Variants in MICOS10 observed in about 807,000 individuals in gnomAD.
The protein encoded by MICOS10 is MICOS complex subunit MIC10.
Under a neutral mutation model 13.4 loss-of-function variants are expected in MICOS10, and 5 were observed. The observed-to-expected ratio is 0.37, with a 90% CI of 0.20 to 0.78. MICOS10 has a LOEUF of 0.78. Ranked by LOEUF, MICOS10 falls within the 30% of genes least tolerant of loss-of-function variation. MICOS10 has a pLI of 0.47. For missense variants in MICOS10, 101 were observed against 94.6 expected (o/e 1.07, Z -0.28); for synonymous variants, 35 against 33.6 (o/e 1.04, Z -0.15).
chr1:19,608,452 G>T, intron 1 of MICOS10: 1 of 1,284,746 alleles, frequency 7.8e-7, no homozygotes, highest in Non-Finnish European at 1.1e-6. Flanking sequence ...CTGGGGCCCA[G>T]TCGGCCCTCA....
intron 1 of MICOS10, among the ~76,000 whole-genome samples, chr1:19,617,824 A>G (rs1306431723): frequency 6.6e-6 from 1 of 152,168 alleles, no homozygotes; most frequent in Non-Finnish European, 1.5e-5. Context: ...TAGACACAAG[A>G]CAACTCTAGG....
Position 19,601,191 on chromosome 1 carries a change from G to T in MICOS10, c.64+4082G>T, listed in dbSNP as rs1188514670. The T allele has an allele frequency of 1.1e-5, 4 of 358,116 alleles. No individual in the cohort carries two copies. In the East Asian group the frequency reaches 3.0e-4, roughly 26 times the overall value. The allele number at this position is 358,116 out of a possible 1,614,324, so 22.2% of individuals were successfully genotyped here. ...CAAGGATCTTTTCACCCTGAGGCTTGAATAATATCTTAATAGAAAATTATC... is the reference window on the plus strand; with the variant it reads ...CAAGGATCTTTTCACCCTGAGGCTTTAATAATATCTTAATAGAAAATTATC... On this transcript the variant is annotated intron_variant, in intron 1 of 3. Transcript: ENST00000322753.
intron 1 of MICOS10, among the ~76,000 whole-genome samples, chr1:19,611,468 G>GTTT (rs765477232): frequency 2.4e-5 from 2 of 84,054 alleles, no homozygotes; most frequent in Admixed American, 1.4e-4. Flanking sequence ...GTTGCAACTT[G>GTTT]ATTTTTTTTT....
rs2094837230 is a variant in MICOS10 at position 19,606,908 on chromosome 1, G to A, written c.64+9799G>A. On this transcript the variant is annotated intron_variant, in intron 1 of 3. Transcript: ENST00000322753. The stretch of plus-strand genomic sequence containing the variant: ...TAATGTTTAAAAAAATACTAAAAGA[G>A]GCCATTGAATAGTCATGGAAAAAGA... Among the ~76,000 whole-genome samples, 7 of 152,198 alleles carry A rather than the reference G, an allele frequency of 4.6e-5. No individual in the cohort carries two copies. In the South Asian group the frequency reaches 1.5e-3, roughly 32 times the overall value.
At chr1:19,612,631 G>A (rs796757551) in intron 1 of MICOS10, among the ~76,000 whole-genome samples, 70 of 152,176 alleles carry the variant, frequency 4.6e-4, no homozygotes, top group African/African-American at 1.7e-3. Context: ...GCTGAGGCAC[G>A]AGAATGACTT....
At position 19,608,994 on chromosome 1, in the gene MICOS10, C is replaced by CTTTTTTTTTTT. The variant is rs5772856; in HGVS notation, c.64+11904_64+11914dup. On this transcript the variant is annotated intron_variant, in intron 1 of 3. Coordinates refer to ENST00000322753, the MANE Select transcript of MICOS10 (RefSeq NM_001032363.4). ...TTAAGATGTGAGCCACTTTTCCCAG[C>CTTTTTTTTTTT]TTTTTTTTTTTTTTTTTTTTTTTTT... is the stretch of plus-strand genomic sequence containing the variant. Among the ~76,000 whole-genome samples the CTTTTTTTTTTT allele has an allele frequency of 1.2e-4, 7 of 60,592 alleles. 1 individual carries two copies. The highest frequency in any genetic ancestry group is 5.3e-4 in the African/African-American group (7 of 13,122). The allele number at this position is 60,592 out of a possible 152,430, so 39.8% of individuals were successfully genotyped here.
chr1:19,619,163 T>C (rs1353115092), intron 1 of MICOS10, among the ~76,000 whole-genome samples: 1 of 152,242 alleles, frequency 6.6e-6, no homozygotes, highest in Non-Finnish European at 1.5e-5. Flanking sequence ...TCTTCCTTCA[T>C]TGAAAGTCCA....
At chr1:19,610,367 C>CCTTCTTCCCTTTTT (rs2094855419) in intron 1 of MICOS10, among the ~76,000 whole-genome samples, 1 of 11,914 alleles carries the variant, frequency 8.4e-5, no homozygotes, top group Non-Finnish European at 1.6e-4. Flanking sequence ...CACCCCCCGG[C>CCTTCTTCCCTTTTT]TTTTTTTTTT....
At chr1:19,609,816 A>AG (rs1274206606) in intron 1 of MICOS10, among the ~76,000 whole-genome samples, 1 of 152,188 alleles carries the variant, frequency 6.6e-6, no homozygotes, top group Non-Finnish European at 1.5e-5. Context: ...GTTGAAGGAA[A>AG]GGGGGGAAAA....
chr1:19,625,810 A>C (rs2094919986), intron 3 of MICOS10, among the ~76,000 whole-genome samples: 1 of 152,006 alleles, frequency 6.6e-6, no homozygotes, highest in South Asian at 2.1e-4. Flanking sequence ...TCTGGACTTG[A>C]GTCTGTGCCT....
chr1:19,623,120 A>G (rs1041119953), intron 2 of MICOS10, among the ~76,000 whole-genome samples: 2 of 151,882 alleles, frequency 1.3e-5, no homozygotes, highest in African/African-American at 4.8e-5. Context: ...ACAGGGTTTC[A>G]CCATGTTGGC....
chr1:19,623,854 A>G (rs1570510713), intron 3 of MICOS10: 2 of 278,044 alleles, frequency 7.2e-6, no homozygotes, highest in South Asian at 9.5e-5. Flanking sequence ...TTTATCATCA[A>G]TGGTAAGGTA....
intron 1 of MICOS10, among the ~76,000 whole-genome samples, chr1:19,619,947 G>T (rs1277656394): frequency 1.3e-5 from 2 of 152,166 alleles, no homozygotes; most frequent in African/African-American, 2.4e-5. Flanking sequence ...CCTATAATCA[G>T]GCATTTCTTT....
Position 19,597,077 on chromosome 1 carries a change from A to G in MICOS10, c.32A>G (p.Asp11Gly), listed in dbSNP as rs1171662048. 1.1e-5 allele frequency: 18 copies of G among 1,598,894 alleles called. No homozygotes were observed. The highest frequency in any genetic ancestry group is 1.4e-5 in the Non-Finnish European group (17 of 1,174,016). The change falls in exon 1 of 4, where the codon GAC becomes GGC. Residue 11 changes from aspartate to glycine, a missense_variant. Transcript: ENST00000322753. Reference protein sequence around the residue: MSESELGRKWDRCLADAVVKI... With the variant: MSESELGRKWGRCLADAVVKI... ...GAGTCGGAGCTCGGCAGGAAGTGGG[A>G]CCGGTGTCTGGCGGATGCGGTCGTG...
chr1:19,621,633 A>T (rs1373218456), intron 1 of MICOS10, among the ~76,000 whole-genome samples: 1 of 152,206 alleles, frequency 6.6e-6, no homozygotes, highest in Non-Finnish European at 1.5e-5. Context: ...GTGATAGCTC[A>T]GCCTTTAGGA....
At chr1:19,600,398 G>C (rs1446442643) in intron 1 of MICOS10, among the ~76,000 whole-genome samples, 1 of 152,158 alleles carries the variant, frequency 6.6e-6, no homozygotes, top group Non-Finnish European at 1.5e-5. Flanking sequence ...TATAGTGAGC[G>C]TGTTGCTTCC....
At chr1:19,605,900 C>T (rs1353748042) in intron 1 of MICOS10, among the ~76,000 whole-genome samples, 2 of 152,158 alleles carry the variant, frequency 1.3e-5, no homozygotes, top group East Asian at 3.9e-4. Context: ...GGATATATAC[C>T]TAGGAGTGGA....
chr1:19,618,071 A>G (rs2094890684), intron 1 of MICOS10, among the ~76,000 whole-genome samples: 1 of 151,442 alleles, frequency 6.6e-6, no homozygotes, highest in African/African-American at 2.4e-5. Flanking sequence ...CTACGTAGCC[A>G]GTGAGTTGTA....
chr1:19,623,996 G>C (rs2792051), intron 3 of MICOS10, among the ~76,000 whole-genome samples: 16,666 of 152,138 alleles, frequency 0.11, 3,088 homozygotes, highest in African/African-American at 0.38. Context: ...TTATTAATTT[G>C]TTTCATTTTT....
Sources: gnomAD v4.1 joint callset for allele counts (sites outside exome capture counted in the v4.1 genomes callset) on GRCh38, gnomAD v4.1.1 for gene constraint, MANE v1.5 for transcripts, NCBI Gene and HGNC (gene_info 2026-07-23, HGNC 2026-07-21) for gene names.